NTN4: variants seen among roughly 807,000 people sequenced by gnomAD.
NTN4 encodes netrin 4.
A neutral mutation model predicts 73.6 loss-of-function variants in NTN4; 32 were observed. The observed-to-expected ratio is 0.44, with a 90% CI of 0.33 to 0.58. The LOEUF (loss-of-function observed/expected upper bound fraction) is 0.58. Among genes scored for constraint, NTN4 ranks in the 20% least tolerant of loss-of-function variants. The probability of loss-of-function intolerance (pLI) is 0.04; values close to 1 mark genes in which losing one functional copy is unlikely to be tolerated. For missense variants in NTN4, 654 were observed against 798.3 expected (o/e 0.82, Z 2.18); for synonymous variants, 258 against 287.5 (o/e 0.90, Z 1.04).
chr12:95,714,169 G>A (rs1160747792), intron 3 of NTN4, among the ~76,000 whole-genome samples: 1 of 151,854 alleles, frequency 6.6e-6, no homozygotes, highest in East Asian at 1.9e-4. Context: ...TAGAAACATG[G>A]GAATTTTAAT....
intron 5 of NTN4, among the ~76,000 whole-genome samples, chr12:95,686,409 T>A (rs182722970): frequency 6.6e-6 from 1 of 152,090 alleles, no homozygotes; most frequent in East Asian, 1.9e-4. Flanking sequence ...AAAGGAGGGA[T>A]CATTTAGCGA....
At position 95,672,168 on chromosome 12, in the gene NTN4, A is replaced by G. The variant is rs187084141; in HGVS notation, c.1511-2022T>C. 1.2e-3 allele frequency: 567 copies of G among 476,416 alleles called. 1 individual carries two copies. The East Asian group carries it at 0.016, about 14-fold the overall frequency. The allele number at this position is 476,416 out of a possible 1,614,324, so 29.5% of individuals were successfully genotyped here. A position where few individuals can be genotyped will look rare whatever the true frequency, so the allele number is the denominator to read the frequency against. On this transcript the variant is annotated intron_variant, in intron 7 of 9. Transcript: ENST00000343702. ...AGACATTGTCTCTACAAAAAAGATT[A>G]AAAATTGTCGAGCACGCAGGCGCAA...
chr12:95,785,998 C>A (rs1310276673), intron 2 of NTN4, among the ~76,000 whole-genome samples: 1 of 152,046 alleles, frequency 6.6e-6, no homozygotes, highest in Non-Finnish European at 1.5e-5. Flanking sequence ...GTGTTCCTCC[C>A]CCTAGCAAAA....
intron 8 of NTN4, among the ~76,000 whole-genome samples, chr12:95,668,078 G>A (rs2078196646): frequency 6.6e-6 from 1 of 151,538 alleles, no homozygotes. Context: ...AGAGAGCAGG[G>A]ACCTTGTCTG....
intron 3 of NTN4, among the ~76,000 whole-genome samples, chr12:95,726,107 T>G (rs1263872561): frequency 6.6e-6 from 1 of 151,800 alleles, no homozygotes; most frequent in African/African-American, 2.4e-5. Flanking sequence ...TTTTTCTAAC[T>G]GAGATAACAT....
intron 5 of NTN4, among the ~76,000 whole-genome samples, chr12:95,698,780 C>G (rs532692188): frequency 2.2e-4 from 34 of 152,028 alleles, no homozygotes; most frequent in African/African-American, 8.2e-4. Flanking sequence ...TTGCTTGAGC[C>G]CAGGAGTTTG....
rs540066617 is a variant in NTN4, at chr12:95,775,863, G to T, written c.585+11076C>A. 3.9e-5 allele frequency among the ~76,000 whole-genome samples: 6 copies of T among 152,336 alleles called. No homozygotes were observed. In the South Asian group the frequency reaches 1.2e-3, roughly 32 times the overall value. ...TCTCCCAGCACGGAGTTTGAGATCT[G>T]AGAATGGACAGCCTGCCTCCTGAGT... On this transcript the variant is annotated intron_variant, in intron 2 of 9. Coordinates refer to ENST00000343702, the MANE Select transcript of NTN4 (RefSeq NM_021229.4).
At chr12:95,663,134 A>AG (rs1565875169) in intron 9 of NTN4, among the ~76,000 whole-genome samples, 2 of 151,996 alleles carry the variant, frequency 1.3e-5, no homozygotes. Context: ...AAAAGAAAAA[A>AG]AAAGAAAGAA....
chr12:95,679,865 T>C (rs947823205), intron 7 of NTN4, among the ~76,000 whole-genome samples: 1 of 152,170 alleles, frequency 6.6e-6, no homozygotes, highest in African/African-American at 2.4e-5. Flanking sequence ...CTTCCCAGCT[T>C]ACTCTGTTCC....
At position 95,790,693 on chromosome 12, in the gene NTN4, G is replaced by T. The variant is rs978414198; in HGVS notation, c.-384C>A. 4 of 162,526 alleles carry T rather than the reference G, an allele frequency of 2.5e-5. No individual in the cohort carries two copies. Among genetic ancestry groups the T allele is most frequent in the Admixed American group, 6.5e-5 (1 of 15,394 alleles). 10.1% of individuals were successfully genotyped at this position (162,526 alleles called of 1,614,324 possible). ...CTTTCACTTCCCGGCCGCCGCCGCC[G>T]CCTCCTCCTGGGCGTCCTCCTCCGC... On this transcript the variant is annotated 5_prime_UTR_variant, in exon 1 of 10. Transcript: ENST00000343702. This position sits in a 1 kb window ranked among gnomAD's most constrained non-coding sequence, Gnocchi z 6.5.
intron 2 of NTN4, among the ~76,000 whole-genome samples, chr12:95,775,906 C>A (rs774708045): frequency 6.6e-6 from 1 of 152,292 alleles, no homozygotes; most frequent in East Asian, 1.9e-4. Flanking sequence ...CTGGGAGGCA[C>A]CCCCCAGTAG....
chr12:95,682,591 C>A (rs892443609), intron 7 of NTN4, 116 bp downstream of exon 7: 8 of 612,002 alleles, frequency 1.3e-5, no homozygotes, highest in African/African-American at 9.3e-5. Context: ...TACCATGAAA[C>A]CCCAGAACTA....
Position 95,658,452 on chromosome 12 carries a change from G to T in NTN4, c.*634C>A, listed in dbSNP as rs2160989. The T allele has an allele frequency of 0.42, 64,409 of 152,420 alleles. 13,779 individuals carry two copies. The highest frequency in any genetic ancestry group is 0.48 in the Admixed American group (7,295 of 15,278). 9.4% of individuals were successfully genotyped at this position (152,420 alleles called of 1,614,324 possible). On this transcript the variant is annotated 3_prime_UTR_variant, in exon 10 of 10. Transcript: ENST00000343702. ...TAAATAGCACAACTTCTTTTATATGGTCACTTTTGTCCACATGTAGTGGCA... is the reference window on the plus strand; with the variant it reads ...TAAATAGCACAACTTCTTTTATATGTTCACTTTTGTCCACATGTAGTGGCA...
At chr12:95,724,163 C>T (rs1450008443) in intron 3 of NTN4, among the ~76,000 whole-genome samples, 1 of 152,186 alleles carries the variant, frequency 6.6e-6, no homozygotes, top group Non-Finnish European at 1.5e-5. Flanking sequence ...TCATCACGCA[C>T]TTTATCTTCC....
chr12:95,710,612 G>A lies in NTN4; in HGVS notation c.1009C>T (p.His337Tyr). Residue 337 changes from histidine (H) to tyrosine (Y), a missense_variant, in exon 5 of 10, where the codon CAT becomes TAT. Coordinates refer to ENST00000343702, the MANE Select transcript of NTN4 (RefSeq NM_021229.4). ...NECRTCKCNG[H>Y]ADTCHFDVNV... ...ACGTCGAAGTGACAGGTATCAGCAT[G>A]CCCATTACACTTGCAGGCTGGAAAT... The A allele has an allele frequency of 1.9e-6, 3 of 1,613,396 alleles. No homozygotes were observed. Among genetic ancestry groups the A allele is most frequent in the Non-Finnish European group, 2.5e-6 (3 of 1,179,708 alleles).
chr12:95,784,889 T>C (rs562434051), intron 2 of NTN4, among the ~76,000 whole-genome samples: 25 of 152,356 alleles, frequency 1.6e-4, no homozygotes, highest in Middle Eastern at 3.4e-3. Flanking sequence ...TGGAATTTGA[T>C]ATAAACATTG....
intron 2 of NTN4, among the ~76,000 whole-genome samples, chr12:95,747,542 G>C (rs2078871099): frequency 6.6e-6 from 1 of 152,092 alleles, no homozygotes. Context: ...GGCCTCAAGA[G>C]ATCTTCCTGC....
intron 2 of NTN4, among the ~76,000 whole-genome samples, chr12:95,778,376 G>C (rs2079109223): frequency 6.6e-6 from 1 of 151,986 alleles, no homozygotes; most frequent in African/African-American, 2.4e-5. Flanking sequence ...TCCAGGAGCT[G>C]GTTTTTTGAA....
chr12:95,691,479 T>A (rs1356673115), intron 5 of NTN4, among the ~76,000 whole-genome samples: 1 of 152,200 alleles, frequency 6.6e-6, no homozygotes, highest in Admixed American at 6.5e-5. Flanking sequence ...GACTACAACC[T>A]CCGCCTCCCA....
Sources: allele counts gnomAD v4.1 joint callset (sites outside exome capture counted in the v4.1 genomes callset), GRCh38; gene constraint gnomAD v4.1.1; non-coding constraint Gnocchi (gnomAD v3.1); transcripts MANE v1.5; gene names NCBI Gene and HGNC (gene_info 2026-07-23, HGNC 2026-07-21).